Variants in MRPS18C observed in about 807,000 individuals in gnomAD.
MRPS18C encodes the protein small ribosomal subunit protein bS18m.
Under a neutral mutation model 21.0 loss-of-function variants are expected in MRPS18C, and 21 were observed. The ratio of observed to expected loss-of-function variants is 1.00; its 90% confidence interval spans 0.71 to 1.44. The LOEUF is 1.44. Among genes scored for constraint, MRPS18C ranks in the 40% most tolerant of loss-of-function variants. MRPS18C has a pLI of 0.00. For synonymous variants in MRPS18C, 65 were observed against 54.3 expected, an observed-to-expected ratio of 1.20 and a Z score of -0.87; for missense variants, 152 against 171.5, an observed-to-expected ratio of 0.89 and a Z score of 0.64.
At chr4:83,458,730 C>T (rs1198290657) in intron 3 of MRPS18C, 2 of 250,094 alleles carry the variant, frequency 8.0e-6, no homozygotes, top group African/African-American at 2.3e-5. Context: ...GGAAAAAGCT[C>T]ATCTGGTGAA....
chr4:83,456,070 G>C lies in MRPS18C; in HGVS notation c.-8G>C. The C allele has an allele frequency of 6.2e-7, 1 of 1,612,126 alleles. No homozygotes were observed. The highest frequency in any genetic ancestry group is 8.5e-7 in the Non-Finnish European group (1 of 1,179,846). Reference sequence around the variant, plus strand: ...TGGAACGAAAGGAAGTGGAAGAAACGCGGAACCATGGCCGCTGTGGTTGCT... The same window carrying C: ...TGGAACGAAAGGAAGTGGAAGAAACCCGGAACCATGGCCGCTGTGGTTGCT... On this transcript the variant is annotated 5_prime_UTR_variant, in exon 1 of 6. Coordinates refer to ENST00000295491, the MANE Select transcript of MRPS18C (RefSeq NM_016067.4).
At chr4:83,460,832 G>A in intron 4 of MRPS18C, 141 bp from the exon 5 acceptor site, 1 of 664,136 alleles carries the variant, frequency 1.5e-6, no homozygotes, top group Admixed American at 2.9e-5. Flanking sequence ...ATTGAGCCTG[G>A]GTGGCGGAGG....
chr4:83,457,243 A>T, intron 2 of MRPS18C: 2 of 281,404 alleles, frequency 7.1e-6, no homozygotes, highest in Non-Finnish European at 1.3e-5. Flanking sequence ...ATTTAAGGAT[A>T]TGTGATTTGG....
rs779115207 is a variant in MRPS18C at position 83,456,116 on chromosome 4, G to A, written c.39G>A (p.Arg13=). ...AVVAVCGGLG[R]KKLTHLVTAA... ...TTGCTGTTTGCGGTGGTCTAGGGAG[G>A]AAGAAGTTGACACACTTGGTAACGG... The change falls in exon 1 of 6, where the codon AGG becomes AGA. Residue 13 remains arginine (R), a synonymous_variant. Coordinates refer to ENST00000295491, the MANE Select transcript of MRPS18C (RefSeq NM_016067.4). 185 of 1,612,944 alleles carry A rather than the reference G, an allele frequency of 1.1e-4. No homozygotes were observed. Among genetic ancestry groups the A allele is most frequent in the Non-Finnish European group, 1.4e-4 (165 of 1,180,008 alleles).
Position 83,456,128 on chromosome 4 carries a change from A to G in MRPS18C, c.51A>G (p.Thr17=). ...VCGGLGRKKL[T]HLVTAAVSLT... ...GTGGTCTAGGGAGGAAGAAGTTGAC[A>G]CACTTGGTAACGGCTGCTGTCAGCC... is the stretch of plus-strand genomic sequence containing the variant. The change falls in exon 1 of 6, where the codon ACA becomes ACG. Residue 17 remains threonine (T), a synonymous_variant. Coordinates refer to ENST00000295491, the MANE Select transcript of MRPS18C (RefSeq NM_016067.4). 1 of 1,613,396 alleles carries G rather than the reference A, an allele frequency of 6.2e-7. No individual in the cohort carries two copies. Among genetic ancestry groups the G allele is most frequent in the Non-Finnish European group, 8.5e-7 (1 of 1,180,002 alleles).
At chr4:83,458,481 C>A in intron 3 of MRPS18C, 52 bp downstream of exon 3, 1 of 1,364,920 alleles carries the variant, frequency 7.3e-7, no homozygotes, top group Non-Finnish European at 1.0e-6. Context: ...TCTGATAGAT[C>A]TGCTTAAAGA....
intron 2 of MRPS18C, chr4:83,457,268 T>A (rs1403635155): frequency 4.1e-6 from 1 of 246,432 alleles, no homozygotes; most frequent in Non-Finnish European, 7.7e-6. Context: ...TGTTTTTTTT[T>A]TTTTTACATA....
intron 1 of MRPS18C, 91 bp downstream of exon 1, chr4:83,456,268 T>C: frequency 1.8e-6 from 2 of 1,126,348 alleles, no homozygotes; most frequent in Non-Finnish European, 2.7e-6. Flanking sequence ...GCAAAACGAC[T>C]CTGGTTTCTA....
Position 83,456,955 on chromosome 4 carries a change from C to T in MRPS18C, c.147C>T (p.Asp49=). The T allele has an allele frequency of 6.2e-7, 1 of 1,611,452 alleles. No homozygotes were observed. The highest frequency in any genetic ancestry group is 8.5e-7 in the Non-Finnish European group (1 of 1,179,616). The stretch of plus-strand genomic sequence containing the variant: ...CACAACAGGTATCCAGCAATGAGGA[C>T]CTGGTAAGAATTTTTTTTTCTATTA... ...GCSQQVSSNE[D]LPISMENPYK... Residue 49 remains aspartate (D), a synonymous_variant, in exon 2 of 6, where the codon GAC becomes GAT. Coordinates refer to ENST00000295491, the MANE Select transcript of MRPS18C (RefSeq NM_016067.4).
rs1395255006 is a variant in MRPS18C, at chr4:83,462,007, A to C, written c.*810A>C. The C allele has an allele frequency of 4.4e-6, 1 of 228,470 alleles. No homozygotes were observed. The highest frequency in any genetic ancestry group is 2.2e-5 in the African/African-American group (1 of 45,092). 14.2% of individuals were successfully genotyped at this position (228,470 alleles called of 1,614,324 possible). On this transcript the variant is annotated 3_prime_UTR_variant, in exon 6 of 6. Transcript: ENST00000295491. ...AAGGAGAATTTTAATGACTCAGATAAATTTTCATATAAATTTCTTTCCATA... is the reference window on the plus strand; with the variant it reads ...AAGGAGAATTTTAATGACTCAGATACATTTTCATATAAATTTCTTTCCATA...
Position 83,456,141 on chromosome 4 carries a change from G to A in MRPS18C, c.64G>A (p.Ala22Thr). The A allele has an allele frequency of 6.2e-7, 1 of 1,613,770 alleles. No homozygotes were observed. Among genetic ancestry groups the A allele is most frequent in the South Asian group, 1.1e-5 (1 of 91,064 alleles). ...GAAGAAGTTGACACACTTGGTAACG[G>A]CTGCTGTCAGCCTTACACATCCCGG... ...GRKKLTHLVT[A>T]AVSLTHPGTH... The change falls in exon 1 of 6, where the codon GCT (alanine) becomes ACT (threonine). Residue 22 changes from alanine (A) to threonine (T), a missense_variant. Ala to Thr is a moderately conservative substitution (Grantham distance 58, BLOSUM62 0). Coordinates refer to ENST00000295491, the MANE Select transcript of MRPS18C (RefSeq NM_016067.4).
Position 83,461,329 on chromosome 4 carries a change from C to T in MRPS18C, c.*132C>T. 2.8e-6 allele frequency: 2 copies of T among 709,824 alleles called. No homozygotes were observed. The highest frequency in any genetic ancestry group is 5.0e-6 in the Non-Finnish European group (2 of 401,396). The allele number at this position is 709,824 out of a possible 1,614,324, so 44.0% of individuals were successfully genotyped here. Reference sequence around the variant, plus strand: ...TAAAGAATGACACTTCCCCTTCATACCAATGTCCATTAAGCAGATTGCTTA... The same window carrying T: ...TAAAGAATGACACTTCCCCTTCATATCAATGTCCATTAAGCAGATTGCTTA... On this transcript the variant is annotated 3_prime_UTR_variant, in exon 6 of 6. Transcript: ENST00000295491.
intron 2 of MRPS18C, 145 bp downstream of exon 2, chr4:83,457,103 T>A: frequency 1.6e-6 from 1 of 625,326 alleles, no homozygotes; most frequent in African/African-American, 1.8e-5. Context: ...AACAATTTGA[T>A]AATTACTCTG....
intron 1 of MRPS18C, 56 bp from the exon 2 acceptor site, chr4:83,456,853 T>A (rs1222612092): frequency 3.2e-6 from 5 of 1,572,482 alleles, no homozygotes; most frequent in Non-Finnish European, 4.3e-6. Flanking sequence ...ACAAAAATCT[T>A]TAGCTATTCA....
Position 83,461,215 on chromosome 4 carries a change from C to A in MRPS18C, c.*18C>A, listed in dbSNP as rs749767506. 6.2e-7 allele frequency: 1 copy of A among 1,603,368 alleles called. No individual in the cohort carries two copies. The highest frequency in any genetic ancestry group is 2.2e-5 in the East Asian group (1 of 44,786). ...GGGAATAAATTCTATCACGTTACCA[C>A]TAATAAACTTATTTTACAGTAAGTG... is the stretch of plus-strand genomic sequence containing the variant. On this transcript the variant is annotated 3_prime_UTR_variant, in exon 6 of 6. Coordinates refer to ENST00000295491, the MANE Select transcript of MRPS18C (RefSeq NM_016067.4).
At chr4:83,459,602 T>G in intron 3 of MRPS18C, 138 bp from the exon 4 acceptor site, 2 of 694,930 alleles carry the variant, frequency 2.9e-6, no homozygotes, top group Non-Finnish European at 4.8e-6. Context: ...ATAACAATAT[T>G]TTTTTCTTAT....
At position 83,461,433 on chromosome 4, in the gene MRPS18C, C is replaced by T; in HGVS notation, c.*236C>T. The T allele has an allele frequency of 2.1e-6, 1 of 469,046 alleles. No homozygotes were observed. Among genetic ancestry groups the T allele is most frequent in the Non-Finnish European group, 3.9e-6 (1 of 256,124 alleles). The allele number at this position is 469,046 out of a possible 1,614,324, so 29.1% of individuals were successfully genotyped here. A position where few individuals can be genotyped will look rare whatever the true frequency, so the allele number is the denominator to read the frequency against. Reference sequence around the variant, plus strand: ...GTGTGATTGTCATTTATATCTGATCCCCAAATAGCTCATACAATAATCCAT... The same window carrying T: ...GTGTGATTGTCATTTATATCTGATCTCCAAATAGCTCATACAATAATCCAT... On this transcript the variant is annotated 3_prime_UTR_variant, in exon 6 of 6. Transcript: ENST00000295491.
Position 83,456,087 on chromosome 4 carries a change from G to T in MRPS18C, c.10G>T (p.Val4Leu). The T allele has an allele frequency of 6.2e-7, 1 of 1,612,608 alleles. No individual in the cohort carries two copies. MAA[V>L]VAVCGGLGRK... ...GAAGAAACGCGGAACCATGGCCGCT[G>T]TGGTTGCTGTTTGCGGTGGTCTAGG... is the stretch of plus-strand genomic sequence containing the variant. The change falls in exon 1 of 6, where the codon GTG (valine) becomes TTG (leucine). Residue 4 changes from valine (V) to leucine (L), a missense_variant. Physicochemically the swap from Val to Leu is conservative, Grantham distance 32. Coordinates refer to ENST00000295491, the MANE Select transcript of MRPS18C (RefSeq NM_016067.4).
At chr4:83,458,159 T>A in intron 2 of MRPS18C, 187 bp from the exon 3 acceptor site, 1 of 488,484 alleles carries the variant, frequency 2.0e-6, no homozygotes, top group Non-Finnish European at 3.6e-6. Flanking sequence ...GATTGTACTT[T>A]ATTCCAGAAT....
Sources: gnomAD v4.1 joint callset for allele counts on GRCh38, gnomAD v4.1.1 for gene constraint, MANE v1.5 for transcripts, NCBI Gene and HGNC (gene_info 2026-07-23, HGNC 2026-07-21) for gene names.